The following SLC52A3 variants were observed in gnomAD, a reference collection of about 807,000 sequenced individuals.
SLC52A3 encodes solute carrier family 52 member 3.
Under a neutral mutation model 29.5 loss-of-function variants are expected in SLC52A3, and 20 were observed. The observed-to-expected ratio is 0.68, with a 90% confidence interval of 0.48 to 0.99. SLC52A3 has a LOEUF of 0.99. SLC52A3 is among the 50% of genes least tolerant of loss of function. The pLI is 0.00. For synonymous variants in SLC52A3, 301 were observed against 271.0 expected, an observed-to-expected ratio of 1.11 and a Z score of -1.09; for missense variants, 548 against 612.9, an observed-to-expected ratio of 0.89 and a Z score of 1.12.
rs773797132 is a variant in SLC52A3 at position 761,010 on chromosome 20, G to C, written c.*16C>G. On this transcript the variant is annotated 3_prime_UTR_variant, in exon 5 of 5. Transcript: ENST00000645534. ...AGTTCCGTCCGTGAGCGATGGGGGC[G>C]GGGTCGGCGGCCTGCCTAGGCTGGA... The C allele has an allele frequency of 3.2e-6, 4 of 1,237,580 alleles. No homozygotes were observed. The highest frequency in any genetic ancestry group is 4.3e-6 in the Non-Finnish European group (4 of 939,246). 76.7% of individuals were successfully genotyped at this position (1,237,580 alleles called of 1,614,324 possible). A position where few individuals can be genotyped will look rare whatever the true frequency, so the allele number is the denominator to read the frequency against.
chr20:763,788 G>A lies in SLC52A3; in HGVS notation c.783C>T (p.Thr261=), dbSNP rs1455310004. Reference sequence around the variant, plus strand: ...CTTCCCGCGGCCGGATGGAGTGGAGGGTGACCTGGTCATTGAGGAGGTCTT... The same window carrying A: ...CTTCCCGCGGCCGGATGGAGTGGAGAGTGACCTGGTCATTGAGGAGGTCTT... ...SVEDLLNDQV[T]LHSIRPREEN... is the part of the protein sequence containing the mutation. The change falls in exon 3 of 5, where the codon ACC becomes ACT. Residue 261 remains threonine (T), a synonymous_variant. Transcript: ENST00000645534. The A allele has an allele frequency of 1.2e-6, 2 of 1,614,130 alleles. No individual in the cohort carries two copies. Among genetic ancestry groups the A allele is most frequent in the East Asian group, 4.5e-5 (2 of 44,878 alleles).
At chr20:764,849 G>A (rs535852468) in intron 2 of SLC52A3, among the ~76,000 whole-genome samples, 4 of 152,254 alleles carry the variant, frequency 2.6e-5, no homozygotes, top group South Asian at 2.1e-4. Context: ...TTTATCACCC[G>A]AGGAACTTTT....
rs74449795 is a variant in SLC52A3 at position 762,888 on chromosome 20, C to G, written c.1073+610G>C. Among the ~76,000 whole-genome samples, 755 of 152,300 alleles carry G rather than the reference C, an allele frequency of 5.0e-3. 9 individuals are homozygous for G. The highest frequency in any genetic ancestry group is 0.017 in the African/African-American group (711 of 41,568). ...TCAAGATCCCAAGGTGGTAGTTCTC[C>G]TACAGGGGTCTGAAGCCCCTGCCTC... On this transcript the variant is annotated intron_variant, in intron 3 of 4. Transcript: ENST00000645534.
chr20:773,080 A>G (rs1479987134), upstream of SLC52A3, among the ~76,000 whole-genome samples: 2 of 152,196 alleles, frequency 1.3e-5, no homozygotes, highest in Non-Finnish European at 2.9e-5. Context: ...TCTAGAGCAA[A>G]AAGCTCCGTG....
At chr20:770,179 CAG>C (rs1163250703), upstream of SLC52A3, among the ~76,000 whole-genome samples, 3 of 146,680 alleles carry the variant, frequency 2.0e-5, no homozygotes, top group Non-Finnish European at 4.5e-5. This position sits in a 1 kb window ranked among gnomAD's most constrained non-coding sequence, Gnocchi z 4.5. Flanking sequence ...TCTTTTGAGA[CAG>C]AGTCTTACTG....
Position 765,167 on chromosome 20 carries a change from T to C in SLC52A3, c.567+41A>G. 6.2e-7 allele frequency: 1 copy of C among 1,611,516 alleles called. No individual in the cohort carries two copies. The highest frequency in any genetic ancestry group is 8.5e-7 in the Non-Finnish European group (1 of 1,177,794). On this transcript the variant is annotated intron_variant, in intron 2 of 4. Transcript: ENST00000645534. The surrounding 1 kb of genome is among the most constrained non-coding windows in gnomAD (Gnocchi z 6.6). ...GTTTTTCCCTCCCCTACATTTGTGA[T>C]AAAGCCAAGTGCTGAGATGGCTCCG...
At chr20:771,341 T>C (rs1183849849), upstream of SLC52A3, among the ~76,000 whole-genome samples, 1 of 152,084 alleles carries the variant, frequency 6.6e-6, no homozygotes, top group Non-Finnish European at 1.5e-5. Flanking sequence ...GCAGGAGAAT[T>C]GCTTGAACTC....
Position 761,619 on chromosome 20 carries a change from AG to A in SLC52A3, c.1197+81del, listed in dbSNP as rs750601646. ...GTCCCACAGACCCCGCTCGCTGGAA[AG>A]GGCCGCGCCCAAGCTCTCCCAGGCC... On this transcript the variant is annotated intron_variant, in intron 4 of 4. Transcript: ENST00000645534. The A allele has an allele frequency of 1.5e-5, 23 of 1,586,032 alleles. No individual in the cohort carries two copies. In the African/African-American group the frequency reaches 2.3e-4, roughly 16 times the overall value.
intron 1 of SLC52A3, among the ~76,000 whole-genome samples, chr20:774,639 G>A (rs2122555370): frequency 6.6e-6 from 1 of 152,354 alleles, no homozygotes; most frequent in South Asian, 2.1e-4. Flanking sequence ...GCAGGGAGGT[G>A]CCAGGAGGCA....
At chr20:775,130 T>C (rs1475504941) in intron 1 of SLC52A3, among the ~76,000 whole-genome samples, 6 of 152,068 alleles carry the variant, frequency 3.9e-5, no homozygotes, top group African/African-American at 1.4e-4. Context: ...TGGAGCAGCC[T>C]CCCCCAGGCC....
chr20:772,707 G>A (rs1488428326), upstream of SLC52A3, among the ~76,000 whole-genome samples: 1 of 151,750 alleles, frequency 6.6e-6, no homozygotes, highest in Non-Finnish European at 1.5e-5. Context: ...CACAATCCCT[G>A]CTCTCAGGAA....
chr20:764,171 T>C (rs1034344020), intron 2 of SLC52A3, among the ~76,000 whole-genome samples, 168 bp from the exon 3 acceptor site: 12 of 152,182 alleles, frequency 7.9e-5, no homozygotes, highest in Non-Finnish European at 1.5e-4. Context: ...GACTGCCCAC[T>C]GAGCACGGGC....
Position 761,062 on chromosome 20 carries a change from C to A in SLC52A3, c.1374G>T (p.Ser458=), listed in dbSNP as rs758484328. The A allele has an allele frequency of 7.3e-5, 117 of 1,609,576 alleles. 1 individual carries two copies. The highest frequency in any genetic ancestry group is 6.6e-4 in the Middle Eastern group (4 of 6,048). The change falls in exon 5 of 5, where the codon TCG becomes TCT. Residue 458 remains serine, a synonymous_variant. Transcript: ENST00000645534. ...AGTGCAGATTGCAGAAGTCCGCGGA[C>A]GAGAAGAGCCGCAGCACGTTGACCA... The part of the protein sequence containing the change: ...FPLVNVLRLF[S]SADFCNLHCP...
chr20:770,824 G>T (rs1986823783), upstream of SLC52A3, among the ~76,000 whole-genome samples: 1 of 152,186 alleles, frequency 6.6e-6, no homozygotes. The surrounding 1 kb of genome is among the most constrained non-coding windows in gnomAD (Gnocchi z 4.5). Context: ...GTCACAAGTG[G>T]GTATTCCTTC....
At chr20:764,644 A>G (rs755129650) in intron 2 of SLC52A3, among the ~76,000 whole-genome samples, 2 of 152,208 alleles carry the variant, frequency 1.3e-5, no homozygotes, top group Non-Finnish European at 2.9e-5. Context: ...AAATTGACCT[A>G]TTGGCATATT....
chr20:760,533 A>G lies in SLC52A3; in HGVS notation c.*493T>C. On this transcript the variant is annotated 3_prime_UTR_variant, in exon 5 of 5. Coordinates refer to ENST00000645534, the MANE Select transcript of SLC52A3 (RefSeq NM_033409.4). The surrounding 1 kb of genome is among the most constrained non-coding windows in gnomAD (Gnocchi z 4.9). ...ACTGCCACTCTTGTTACTACGATGG[A>G]CTGTCAGATCAGCAGGTGGCCCAGG... 6.0e-6 allele frequency: 1 copy of G among 167,482 alleles called. No homozygotes were observed. Among genetic ancestry groups the G allele is most frequent in the Non-Finnish European group, 1.3e-5 (1 of 76,612 alleles). 10.4% of individuals were successfully genotyped at this position (167,482 alleles called of 1,614,324 possible). A position where few individuals can be genotyped will look rare whatever the true frequency, so the allele number is the denominator to read the frequency against.
rs1986629453 is a variant in SLC52A3, at chr20:765,106, G to A, written c.567+102C>T. 1.5e-6 allele frequency: 2 copies of A among 1,345,776 alleles called. No homozygotes were observed. Among genetic ancestry groups the A allele is most frequent in the African/African-American group, 1.4e-5 (1 of 69,598 alleles). The allele number at this position is 1,345,776 out of a possible 1,614,324, so 83.4% of individuals were successfully genotyped here. On this transcript the variant is annotated intron_variant, in intron 2 of 4. Coordinates refer to ENST00000645534, the MANE Select transcript of SLC52A3 (RefSeq NM_033409.4). This position sits in a 1 kb window ranked among gnomAD's most constrained non-coding sequence, Gnocchi z 6.6. ...CTGCCTTATGTCAGTTTAACTCATA[G>A]GCCGACCAAAGAACCTAGAAGGATG...
chr20:761,868 C>T, intron 3 of SLC52A3, 44 bp from the exon 4 acceptor site: 11 of 1,613,572 alleles, frequency 6.8e-6, no homozygotes, highest in Non-Finnish European at 9.3e-6. Flanking sequence ...GAAGCCTGAC[C>T]TCTGACCCCC....
upstream of SLC52A3, among the ~76,000 whole-genome samples, chr20:777,262 A>G (rs1452152410): frequency 2.5e-4 from 6 of 24,288 alleles, no homozygotes; most frequent in African/African-American, 4.7e-4. Context: ...ACAAACAAAC[A>G]AACAAAAAAC....
Sources: gnomAD v4.1 joint callset for allele counts (sites outside exome capture counted in the v4.1 genomes callset) on GRCh38, gnomAD v4.1.1 for gene constraint, Gnocchi (gnomAD v3.1) non-coding constraint, MANE v1.5 for transcripts, NCBI Gene and HGNC (gene_info 2026-07-23, HGNC 2026-07-21) for gene names.